Variants in COL18A1 observed in about 807,000 individuals in gnomAD.
COL18A1 encodes collagen type XVIII alpha 1 chain.
In COL18A1, 133 loss-of-function variants were observed where a neutral mutation model predicts 168.0. The ratio of observed to expected loss-of-function variants is 0.79; its 90% CI spans 0.69 to 0.91. COL18A1 has a LOEUF of 0.91. COL18A1 is among the 40% of genes least tolerant of loss of function. The pLI is 0.00. For missense variants in COL18A1, 2,126 were observed against 1,925.4 expected (o/e 1.10, Z -1.95); for synonymous variants, 949 against 809.0 (o/e 1.17, Z -2.94).
At chr21:45,468,872 G>A in intron 3 of COL18A1, 86 bp downstream of exon 3, 1 of 1,357,460 alleles carries the variant, frequency 7.4e-7, no homozygotes, top group South Asian at 1.4e-5. Context: ...GGACGGAGCT[G>A]TGGCCGGAAG....
chr21:45,508,587 G>A (rs996225053), intron 38 of COL18A1, among the ~76,000 whole-genome samples: 1 of 152,118 alleles, frequency 6.6e-6, no homozygotes, highest in South Asian at 2.1e-4. Context: ...AGCTGCTGTC[G>A]GCCCCTCCTT....
At position 45,455,748 on chromosome 21, in the gene COL18A1, C is replaced by T. The variant is rs779506536; in HGVS notation, c.107-12494C>T. 48 of 1,613,700 alleles carry T rather than the reference C, an allele frequency of 3.0e-5. No homozygotes were observed. The highest frequency in any genetic ancestry group is 3.9e-5 in the Non-Finnish European group (46 of 1,180,004). ...ACCCCCCGGAATGGTTCCACAGAGC[C>T]AGCGACAGCCCCTGGCAGCCCTGAG... On this transcript the variant is annotated intron_variant, in intron 2 of 41. Coordinates refer to ENST00000651438, the MANE Select transcript of COL18A1 (RefSeq NM_001379500.1).
Position 45,512,313 on chromosome 21 carries a change from G to A in COL18A1, c.3935G>A (p.Arg1312Lys). Reference sequence around the variant, plus strand: ...CAGGCCTCCTCGCTGCTGGGGGGCAGGCTCCTGGGGCAGAGTGCCGCGAGC... The same window carrying A: ...CAGGCCTCCTCGCTGCTGGGGGGCAAGCTCCTGGGGCAGAGTGCCGCGAGC... Reference protein sequence around the residue: ...TGQASSLLGGRLLGQSAASCH... With the variant: ...TGQASSLLGGKLLGQSAASCH... Residue 1312 changes from arginine to lysine, a missense_variant, in exon 42 of 42, where the codon AGG (arginine) becomes AAG (lysine). Physicochemically the swap from Arg to Lys is conservative, Grantham distance 26. Coordinates refer to ENST00000651438, the MANE Select transcript of COL18A1 (RefSeq NM_001379500.1). 3 of 1,612,524 alleles carry A rather than the reference G, an allele frequency of 1.9e-6. No homozygotes were observed. The highest frequency in any genetic ancestry group is 2.5e-6 in the Non-Finnish European group (3 of 1,179,814).
rs1031839821 is a variant in COL18A1 at position 45,473,166 on chromosome 21, C to T, written c.652-729C>T. On this transcript the variant is annotated intron_variant, in intron 3 of 41. Coordinates refer to ENST00000651438, the MANE Select transcript of COL18A1 (RefSeq NM_001379500.1). The surrounding 1 kb of genome is among the most constrained non-coding windows in gnomAD (Gnocchi z 4.0). ...CAAGCTACCCGCTTGAGGCTTAGGA[C>T]GTTGCGCCCTCCTGTGTCCTTGCCC... Among the ~76,000 whole-genome samples, 5 of 152,232 alleles carry T rather than the reference C, an allele frequency of 3.3e-5. No homozygotes were observed. The highest frequency in any genetic ancestry group is 1.9e-4 in the East Asian group (1 of 5,180).
At chr21:45,432,186 CT>C (rs2033982037) in intron 2 of COL18A1, among the ~76,000 whole-genome samples, 1 of 152,234 alleles carries the variant, frequency 6.6e-6, no homozygotes, top group Admixed American at 6.5e-5. Context: ...CCAGCAGGGC[CT>C]CCCTGGATTT....
In COL18A1 at chr21:45,486,934, G is replaced by C; in HGVS notation, c.1775G>C (p.Gly592Ala). The C allele has an allele frequency of 6.6e-7, 1 of 1,504,960 alleles. No homozygotes were observed. Among genetic ancestry groups the C allele is most frequent in the South Asian group, 1.3e-5 (1 of 78,706 alleles). The allele number at this position is 1,504,960 out of a possible 1,614,324, so 93.2% of individuals were successfully genotyped here. A position where few individuals can be genotyped will look rare whatever the true frequency, so the allele number is the denominator to read the frequency against. The change falls in exon 16 of 42, where the codon GGA becomes GCA. Residue 592 changes from glycine (G) to alanine (A), a missense_variant. Gly to Ala is a moderately conservative substitution (Grantham distance 60, BLOSUM62 0). Coordinates refer to ENST00000651438, the MANE Select transcript of COL18A1 (RefSeq NM_001379500.1). ...SGLAGAPGPA[G>A]PPGPPGPPGP... ...CTGGCAGGAGCCCCCGGACCTGCTG[G>C]ACCACCAGGCCCCCCTGGGCCCCCT...
rs780435897 is a variant in COL18A1 at position 45,437,903 on chromosome 21, CTCAG to C, written c.107-30338_107-30335del. On this transcript the variant is annotated intron_variant, in intron 2 of 41. Coordinates refer to ENST00000651438, the MANE Select transcript of COL18A1 (RefSeq NM_001379500.1). ...GCACTCTCCTGCACACACACACTCACTCAGACACAGGCACTCTCCTGCACACACA... is the reference window on the plus strand; with the variant it reads ...GCACTCTCCTGCACACACACACTCACACACAGGCACTCTCCTGCACACACA... Among the ~76,000 whole-genome samples the C allele has an allele frequency of 2.3e-4, 17 of 73,728 alleles. 1 individual carries two copies. The highest frequency in any genetic ancestry group is 3.1e-4 in the Non-Finnish European group (13 of 41,794). The allele number at this position is 73,728 out of a possible 152,430, so 48.4% of individuals were successfully genotyped here. A position where few individuals can be genotyped will look rare whatever the true frequency, so the allele number is the denominator to read the frequency against.
At chr21:45,486,838 C>T in intron 15 of COL18A1, 23 bp from the exon 16 acceptor site, 1 of 1,527,744 alleles carries the variant, frequency 6.5e-7, no homozygotes, top group Non-Finnish European at 8.8e-7. Context: ...TGGGTCCTGA[C>T]ACGCTCTCCT....
In COL18A1 at chr21:45,492,681, C is replaced by A. The variant is rs763820819; in HGVS notation, c.2188-6C>A. ...ACCCCAGCTGACGCCGTCCCTCTTT[C>A]CCCAGGGCCGGCCGGGTTTCGCAGG... On this transcript the variant is annotated splice_polypyrimidine_tract_variant and splice_region_variant and intron_variant, in intron 23 of 41. Coordinates refer to ENST00000651438, the MANE Select transcript of COL18A1 (RefSeq NM_001379500.1). 6.2e-7 allele frequency: 1 copy of A among 1,611,090 alleles called. No individual in the cohort carries two copies. The highest frequency in any genetic ancestry group is 2.2e-5 in the East Asian group (1 of 44,850).
chr21:45,489,395 G>A (rs771194416), intron 18 of COL18A1, 91 bp from the exon 19 acceptor site: 24 of 955,278 alleles, frequency 2.5e-5, no homozygotes, highest in Non-Finnish European at 3.8e-5. Context: ...TGCATCCTGG[G>A]TAACTCACCC....
At chr21:45,431,248 G>A (rs867795123) in intron 2 of COL18A1, among the ~76,000 whole-genome samples, 1 of 152,194 alleles carries the variant, frequency 6.6e-6, no homozygotes, top group Non-Finnish European at 1.5e-5. Context: ...GAGGGTCAGT[G>A]TTTGCAGAGA....
At chr21:45,440,824 A>G (rs940511813) in intron 2 of COL18A1, among the ~76,000 whole-genome samples, 1 of 152,156 alleles carries the variant, frequency 6.6e-6, no homozygotes, top group Non-Finnish European at 1.5e-5. Flanking sequence ...ACCTGGAGCT[A>G]GGAACTGGCC....
Position 45,494,874 on chromosome 21 carries a change from C to T in COL18A1, c.2392C>T (p.Arg798Trp), listed in dbSNP as rs201566264. 1.3e-4 allele frequency: 217 copies of T among 1,610,180 alleles called. 1 individual carries two copies. The African/African-American group carries it at 2.2e-3, about 17-fold the overall frequency. ...GFRGPPGPYG[R>W]PGYKGEIGFP... ...CTTCCTCTTGCAGGGTCCATACGGA[C>T]GGCCGGGGTACAAGGGAGAGATTGG... Residue 798 changes from arginine to tryptophan, a missense_variant, in exon 28 of 42, where the codon CGG (arginine) becomes TGG (tryptophan). Arg to Trp is a moderately radical substitution (Grantham distance 101, BLOSUM62 -3). Transcript: ENST00000651438.
chr21:45,478,281 C>T (rs745677311), intron 8 of COL18A1, 46 bp from the exon 9 acceptor site: 16 of 1,613,262 alleles, frequency 9.9e-6, no homozygotes, highest in Middle Eastern at 1.6e-4. Context: ...TAGGTGGCGC[C>T]GGAGGAGTCA....
At chr21:45,456,608 C>T (rs1876548024) in intron 2 of COL18A1, 2 of 1,540,610 alleles carry the variant, frequency 1.3e-6, no homozygotes, top group Admixed American at 3.9e-5. Context: ...CCACCTCCAC[C>T]ACGAGAGCGG....
chr21:45,499,030 T>G (rs1229071425), intron 32 of COL18A1, among the ~76,000 whole-genome samples: 1 of 152,224 alleles, frequency 6.6e-6, no homozygotes, highest in African/African-American at 2.4e-5. Flanking sequence ...GAATGGCTGA[T>G]GCTCTTCCAA....
chr21:45,460,186 G>A (rs1419433493), intron 2 of COL18A1, among the ~76,000 whole-genome samples: 3 of 152,258 alleles, frequency 2.0e-5, no homozygotes, highest in African/African-American at 7.2e-5. Context: ...AGCAGATGCA[G>A]GACAAGCAAG....
At chr21:45,458,016 G>A (rs1391916903) in intron 2 of COL18A1, among the ~76,000 whole-genome samples, 2 of 151,900 alleles carry the variant, frequency 1.3e-5, no homozygotes, top group Non-Finnish European at 2.9e-5. Context: ...CCTGGGGAGT[G>A]GCCGGGGGGC....
At chr21:45,504,853 A>C (rs1295710383) in intron 34 of COL18A1, among the ~76,000 whole-genome samples, 3 of 152,094 alleles carry the variant, frequency 2.0e-5, no homozygotes, top group Admixed American at 6.5e-5. Flanking sequence ...GTTTAGGCCC[A>C]TCAGTCCTGA....
Sources: allele counts gnomAD v4.1 joint callset (sites outside exome capture counted in the v4.1 genomes callset), GRCh38; gene constraint gnomAD v4.1.1; non-coding constraint Gnocchi (gnomAD v3.1); transcripts MANE v1.5; gene names NCBI Gene and HGNC (gene_info 2026-07-23, HGNC 2026-07-21).